The following STXBP5 variants were observed in gnomAD, a reference collection of about 807,000 sequenced individuals.
STXBP5 encodes syntaxin-binding protein 5.
Under a neutral mutation model 152.4 loss-of-function variants are expected in STXBP5, and 50 were observed. The ratio of observed to expected loss-of-function variants is 0.33; its 90% confidence interval spans 0.26 to 0.42. The LOEUF is 0.42. Among genes scored for constraint, STXBP5 ranks in the 10% least tolerant of loss-of-function variants. STXBP5 has a pLI of 1.00. For synonymous variants in STXBP5, 492 were observed against 494.7 expected, an observed-to-expected ratio of 0.99 and a Z score of 0.07; for missense variants, 1,167 against 1,388.6, an observed-to-expected ratio of 0.84 and a Z score of 2.54.
intron 8 of STXBP5, among the ~76,000 whole-genome samples, chr6:147,288,308 AG>A (rs1438788303): frequency 6.6e-6 from 1 of 152,214 alleles, no homozygotes; most frequent in African/African-American, 2.4e-5. Context: ...ATTGTGCTGT[AG>A]CAAAAGTGGT....
intron 11 of STXBP5, among the ~76,000 whole-genome samples, chr6:147,313,264 C>G (rs1782474852): frequency 6.6e-6 from 1 of 152,078 alleles, no homozygotes; most frequent in African/African-American, 2.4e-5. Flanking sequence ...TATTCTCATT[C>G]TAAGGACTTT....
chr6:147,266,716 G>C (rs1779909981), intron 6 of STXBP5, among the ~76,000 whole-genome samples: 1 of 152,096 alleles, frequency 6.6e-6, no homozygotes, highest in African/African-American at 2.4e-5. Flanking sequence ...GATGTAGGCT[G>C]GGTATGATTT....
At chr6:147,206,415 A>G (rs1472691260) in intron 2 of STXBP5, among the ~76,000 whole-genome samples, 4 of 152,210 alleles carry the variant, frequency 2.6e-5, no homozygotes, top group South Asian at 2.1e-4. Context: ...TGAGGTTTAA[A>G]GACAATTACT....
chr6:147,277,558 CT>C (rs1292320447), intron 7 of STXBP5, among the ~76,000 whole-genome samples: 1 of 151,988 alleles, frequency 6.6e-6, no homozygotes, highest in Non-Finnish European at 1.5e-5. Flanking sequence ...ACAGTGTCCC[CT>C]GAGATTAAAA....
intron 8 of STXBP5, among the ~76,000 whole-genome samples, chr6:147,281,333 C>T (rs1780691472): frequency 6.6e-6 from 1 of 152,226 alleles, no homozygotes; most frequent in African/African-American, 2.4e-5. Flanking sequence ...GCTGGGATTA[C>T]AGGCATGAGC....
In STXBP5 at chr6:147,387,549, T is replaced by A. The variant is rs1419708896; in HGVS notation, c.*2794T>A. The A allele has an allele frequency of 6.6e-6, 1 of 151,840 alleles. No homozygotes were observed. Among genetic ancestry groups the A allele is most frequent in the African/African-American group, 2.4e-5 (1 of 41,430 alleles). 9.4% of individuals were successfully genotyped at this position (151,840 alleles called of 1,614,324 possible). A position where few individuals can be genotyped will look rare whatever the true frequency, so the allele number is the denominator to read the frequency against. ...GCTGAGAAAGTTATTTGAAATCTTA[T>A]ATTCTGACAAATTCTGTACATTACA... On this transcript the variant is annotated 3_prime_UTR_variant, in exon 28 of 28. Coordinates refer to ENST00000321680, the MANE Select transcript of STXBP5 (RefSeq NM_001127715.4).
At chr6:147,342,379 A>G (rs1194360745) in intron 21 of STXBP5, among the ~76,000 whole-genome samples, 1 of 152,208 alleles carries the variant, frequency 6.6e-6, no homozygotes, top group African/African-American at 2.4e-5. Context: ...ACTAAATCAG[A>G]TGAATGATCC....
chr6:147,312,546 C>T (rs1213402575), intron 11 of STXBP5, among the ~76,000 whole-genome samples: 2 of 151,936 alleles, frequency 1.3e-5, no homozygotes, highest in African/African-American at 2.4e-5. Flanking sequence ...GAGGGTGTTG[C>T]GACTGGCATC....
chr6:147,367,872 G>T (rs941932166), intron 25 of STXBP5, among the ~76,000 whole-genome samples: 2 of 151,844 alleles, frequency 1.3e-5, no homozygotes, highest in Admixed American at 1.3e-4. Context: ...GATAAAAAGT[G>T]AATATTATGA....
chr6:147,321,328 C>A (rs1469014863), intron 16 of STXBP5, among the ~76,000 whole-genome samples: 2 of 152,038 alleles, frequency 1.3e-5, no homozygotes, highest in Non-Finnish European at 2.9e-5. Flanking sequence ...TTTGAAGAAA[C>A]ATTTTAAAAG....
intron 11 of STXBP5, among the ~76,000 whole-genome samples, chr6:147,311,855 T>G (rs897491662): frequency 6.6e-6 from 1 of 152,182 alleles, no homozygotes. Context: ...ATAAGCTATT[T>G]TAGGCTTTCT....
chr6:147,308,077 T>C (rs1048996334), intron 9 of STXBP5, among the ~76,000 whole-genome samples: 5 of 152,204 alleles, frequency 3.3e-5, no homozygotes, highest in African/African-American at 1.2e-4. Context: ...ACATATAGAA[T>C]ACCTGGCTCA....
chr6:147,385,636 A>G lies in STXBP5; in HGVS notation c.*881A>G, dbSNP rs1786302174. 6.6e-6 allele frequency: 1 copy of G among 152,142 alleles called. No individual in the cohort carries two copies. Among genetic ancestry groups the G allele is most frequent in the Non-Finnish European group, 1.5e-5 (1 of 67,996 alleles). The allele number at this position is 152,142 out of a possible 1,614,324, so 9.4% of individuals were successfully genotyped here. On this transcript the variant is annotated 3_prime_UTR_variant, in exon 28 of 28. Transcript: ENST00000321680. ...CCAAAATAATGCTGGTTAAATTTGTAGAAATGTTGAAATTGGCTGTGTTTT... is the reference window on the plus strand; with the variant it reads ...CCAAAATAATGCTGGTTAAATTTGTGGAAATGTTGAAATTGGCTGTGTTTT...
intron 4 of STXBP5, among the ~76,000 whole-genome samples, 199 bp downstream of exon 4, chr6:147,239,469 C>A (rs1778433770): frequency 6.6e-6 from 1 of 152,114 alleles, no homozygotes; most frequent in Non-Finnish European, 1.5e-5. Flanking sequence ...ACATAAATTT[C>A]TTTTGTGTCC....
intron 4 of STXBP5, among the ~76,000 whole-genome samples, chr6:147,245,039 C>T (rs1778744646): frequency 7.6e-6 from 1 of 131,092 alleles, no homozygotes; most frequent in African/African-American, 3.0e-5. Flanking sequence ...GTTGCCCAGG[C>T]TGGAGTTCAG....
In STXBP5 at chr6:147,270,757, C is replaced by A. The variant is rs116348545; in HGVS notation, c.714+3590C>A. ...TTCTTATTTTCTAAATCTAAGAGAT[C>A]ATTAATTATCCAAGCCAAATATAAT... On this transcript the variant is annotated intron_variant, in intron 7 of 27. Coordinates refer to ENST00000321680, the MANE Select transcript of STXBP5 (RefSeq NM_001127715.4). Among the ~76,000 whole-genome samples the A allele has an allele frequency of 7.1e-3, 1,079 of 152,136 alleles. 13 individuals carry two copies. The highest frequency in any genetic ancestry group is 0.025 in the African/African-American group (1,037 of 41,504).
At chr6:147,303,713 G>GA (rs1562474049) in intron 9 of STXBP5, among the ~76,000 whole-genome samples, 1 of 152,164 alleles carries the variant, frequency 6.6e-6, no homozygotes, top group Non-Finnish European at 1.5e-5. Flanking sequence ...GGAAAGTTTC[G>GA]AACTTCCTAG....
chr6:147,298,005 C>A (rs1781615359), intron 9 of STXBP5, among the ~76,000 whole-genome samples: 1 of 151,770 alleles, frequency 6.6e-6, no homozygotes. Flanking sequence ...TAAGTTTTAC[C>A]TGTCAGTAAT....
chr6:147,264,372 T>G (rs1014202715), intron 6 of STXBP5, among the ~76,000 whole-genome samples: 1 of 152,132 alleles, frequency 6.6e-6, no homozygotes, highest in Non-Finnish European at 1.5e-5. Context: ...CCACTTTATA[T>G]ACACGATTTC....
Sources: gnomAD v4.1 joint callset for allele counts (sites outside exome capture counted in the v4.1 genomes callset) on GRCh38, gnomAD v4.1.1 for gene constraint, MANE v1.5 for transcripts, NCBI Gene and HGNC (gene_info 2026-07-23, HGNC 2026-07-21) for gene names.